Variants in L1CAM observed in about 807,000 individuals in gnomAD.
L1CAM encodes L1 cell adhesion molecule.
In L1CAM, 8 loss-of-function variants were observed where a neutral mutation model predicts 93.0. The observed-to-expected ratio is 0.09, with a 90% CI of 0.05 to 0.16. The LOEUF (loss-of-function observed/expected upper bound fraction) is 0.16. Among genes scored for constraint, L1CAM ranks in the 10% least tolerant of loss-of-function variants. The probability of loss-of-function intolerance (pLI) is 1.00; values close to 1 mark genes in which losing one functional copy is unlikely to be tolerated. For missense variants in L1CAM, 777 were observed against 1,073.4 expected (o/e 0.72, Z 3.86); for synonymous variants, 453 against 453.0 (o/e 1.00, Z 0.00).
At chrX:153,878,601 A>G (rs1352945654) in intron 1 of L1CAM, among the ~76,000 whole-genome samples, 1 of 112,301 alleles carries the variant, frequency 8.9e-6, no homozygotes, top group African/African-American at 3.2e-5. Context: ...CTCGGATCAG[A>G]GAGCAGATGA....
intron 2 of L1CAM, among the ~76,000 whole-genome samples, chrX:153,873,719 G>A (rs1260895345): frequency 8.9e-6 from 1 of 112,383 alleles, no homozygotes; most frequent in Non-Finnish European, 1.9e-5. Context: ...AATTACCAGG[G>A]CCCAGCCTTC....
chrX:153,863,725 C>G (rs2064684642), intron 26 of L1CAM, 158 bp downstream of exon 26: 1 of 907,241 alleles, frequency 1.1e-6, no homozygotes, highest in African/African-American at 2.0e-5. Context: ...TGCCCCAACC[C>G]CGGCCTGGGA....
In L1CAM at chrX:153,865,776, G is replaced by T. The variant is rs1273221058; in HGVS notation, c.2475C>A (p.Asn825Lys). The change falls in exon 20 of 29, where the codon AAC becomes AAA. Residue 825 changes from asparagine to lysine, a missense_variant. Transcript: ENST00000370060. ...IPELEGIEIL[N>K]SSAVLVKWRP... Reference sequence around the variant, plus strand: ...GCCACTTGACCAGCACGGCACTTGAGTTGAGGATTTCAATGCCTTCCAGCT... The same window carrying T: ...GCCACTTGACCAGCACGGCACTTGATTTGAGGATTTCAATGCCTTCCAGCT... 6 of 1,209,617 alleles carry T rather than the reference G, an allele frequency of 5.0e-6. No homozygotes were observed. Among genetic ancestry groups the T allele is most frequent in the Non-Finnish European group, 6.7e-6 (6 of 894,422 alleles).
chrX:153,870,970 G>A lies in L1CAM; in HGVS notation c.524-10C>T. On this transcript the variant is annotated splice_polypyrimidine_tract_variant and intron_variant, in intron 6 of 28. Coordinates refer to ENST00000370060, the MANE Select transcript of L1CAM (RefSeq NM_001278116.2). ...TTGATGTGCAAGATCTCTGCAGGGGGCAAGGAGGCCGAAGTCATGACCCCG... is the reference window on the plus strand; with the variant it reads ...TTGATGTGCAAGATCTCTGCAGGGGACAAGGAGGCCGAAGTCATGACCCCG... 3 of 1,211,138 alleles carry A rather than the reference G, an allele frequency of 2.5e-6. No individual in the cohort carries two copies. The highest frequency in any genetic ancestry group is 3.4e-6 in the Non-Finnish European group (3 of 895,289).
intron 5 of L1CAM, among the ~76,000 whole-genome samples, 161 bp downstream of exon 5, chrX:153,871,991 C>A (rs2064774795): frequency 9.1e-6 from 1 of 109,525 alleles, no homozygotes; most frequent in Admixed American, 9.8e-5. Context: ...GGAGACTGCA[C>A]AAGAAACAAG....
chrX:153,868,392 G>A lies in L1CAM; in HGVS notation c.1613C>T (p.Thr538Met), dbSNP rs782210626. ...GGAGGGGTCAAAGGAGGCCTGGCAC[G>A]TGAAGGTCACCCTGGAACCTTTCTT... ...IEKKGSRVTF[T>M]CQASFDPSLQ... The change falls in exon 14 of 29, where the codon ACG becomes ATG. Residue 538 changes from threonine (T) to methionine (M), a missense_variant. Thr to Met is a moderately conservative substitution (Grantham distance 81). Around this residue, in one of 5 missense-constraint regions of L1CAM, gnomAD observed 574 missense variants for 781.0 expected, o/e 0.73. Coordinates refer to ENST00000370060, the MANE Select transcript of L1CAM (RefSeq NM_001278116.2). 14 of 1,210,009 alleles carry A rather than the reference G, an allele frequency of 1.2e-5. No homozygotes were observed. Among genetic ancestry groups the A allele is most frequent in the African/African-American group, 1.1e-4 (6 of 57,139 alleles).
At position 153,865,077 on chromosome X, in the gene L1CAM, G is replaced by A. The variant is rs372416154; in HGVS notation, c.2872+11C>T. ...CTCCACCTCCCTTCCCTGCTGGGGC[G>A]GCGCACGCACGGGGGTGGTAGGAGA... On this transcript the variant is annotated intron_variant, in intron 22 of 28. Transcript: ENST00000370060. 4.1e-6 allele frequency: 5 copies of A among 1,211,312 alleles called. No individual in the cohort carries two copies. The highest frequency in any genetic ancestry group is 4.3e-5 in the Admixed American group (2 of 46,121).
intron 2 of L1CAM, among the ~76,000 whole-genome samples, chrX:153,874,724 G>C (rs1440938034): frequency 1.2e-4 from 14 of 112,441 alleles, no homozygotes; most frequent in African/African-American, 4.2e-4. Context: ...AGACAAAGGT[G>C]TCAAGGTGAG....
In L1CAM at chrX:153,867,651, G is replaced by A; in HGVS notation, c.1940-98C>T. 4 of 961,000 alleles carry A rather than the reference G, an allele frequency of 4.2e-6. No homozygotes were observed. In the Admixed American group the frequency reaches 8.9e-5, roughly 21 times the overall value. The allele number at this position is 961,000 out of a possible 1,213,427, so 79.2% of individuals were successfully genotyped here. On this transcript the variant is annotated intron_variant, in intron 16 of 28. Transcript: ENST00000370060. ...ACAGTCTGGGTCCCTGATTACCCAG[G>A]CCAACTGGCATCTCCAGATTCCCAT...
chrX:153,877,583 C>T (rs2064823134), intron 1 of L1CAM, among the ~76,000 whole-genome samples: 1 of 111,720 alleles, frequency 9.0e-6, no homozygotes, highest in Admixed American at 9.5e-5. Flanking sequence ...GCCAAGATCG[C>T]ACCATTGCAC....
At chrX:153,863,619 C>T in intron 26 of L1CAM, 70 bp from the exon 27 acceptor site, 3 of 986,438 alleles carry the variant, frequency 3.0e-6, no homozygotes, top group South Asian at 2.0e-5. Context: ...CCCCTCTACG[C>T]CCCGCACCCC....
chrX:153,881,796 G>A (rs1358834324), intron 1 of L1CAM, among the ~76,000 whole-genome samples: 1 of 111,231 alleles, frequency 9.0e-6, no homozygotes, highest in Non-Finnish European at 1.9e-5. Context: ...TGTCGAAGGA[G>A]ATACTGATGC....
At chrX:153,863,856 C>T in intron 26 of L1CAM, 27 bp downstream of exon 26, 1 of 1,211,750 alleles carries the variant, frequency 8.3e-7, no homozygotes, top group Non-Finnish European at 1.1e-6. Context: ...TCGGCTCCAC[C>T]CCCGTCACGT....
In L1CAM at chrX:153,864,036, C is replaced by A; in HGVS notation, c.3323-19G>T. 1 of 1,210,878 alleles carries A rather than the reference C, an allele frequency of 8.3e-7. No homozygotes were observed. Among genetic ancestry groups the A allele is most frequent in the Non-Finnish European group, 1.1e-6 (1 of 894,868 alleles). On this transcript the variant is annotated intron_variant, in intron 25 of 28. Coordinates refer to ENST00000370060, the MANE Select transcript of L1CAM (RefSeq NM_001278116.2). ...ACGCGGCCTGAGGGTGAGACACCAG[C>A]CCCCCGTGCTGCCGCCCAAGCCAGA... is the stretch of plus-strand genomic sequence containing the variant.
chrX:153,865,428 G>A lies in L1CAM; in HGVS notation c.2620C>T (p.Pro874Ser). The A allele has an allele frequency of 4.1e-6, 5 of 1,209,400 alleles. No individual in the cohort carries two copies. The East Asian group carries it at 1.5e-4, about 36-fold the overall frequency. Residue 874 changes from proline to serine, a missense_variant, in exon 21 of 29, where the codon CCC (proline) becomes TCC (serine). Coordinates refer to ENST00000370060, the MANE Select transcript of L1CAM (RefSeq NM_001278116.2). ...AGGATGACACTGGTGGTGTTGGCGGGCACCACCACATGGTCTTTGTGGATA... is the reference window on the plus strand; with the variant it reads ...AGGATGACACTGGTGGTGTTGGCGGACACCACCACATGGTCTTTGTGGATA... ...RHIHKDHVVV[P>S]ANTTSVILSG...
At chrX:153,866,499 T>C (rs1557090893) in intron 19 of L1CAM, 150 bp downstream of exon 19, 1 of 428,609 alleles carries the variant, frequency 2.3e-6, no homozygotes, top group Non-Finnish European at 4.0e-6. Flanking sequence ...AAATGTGAAG[T>C]GTGGGGAATT....
chrX:153,863,911 G>T lies in L1CAM; in HGVS notation c.3429C>A (p.Ile1143=), dbSNP rs1374780825. 5 of 1,211,168 alleles carry T rather than the reference G, an allele frequency of 4.1e-6. No individual in the cohort carries two copies. In the South Asian group the frequency reaches 7.0e-5, roughly 17 times the overall value. ...AGTATTTGCCGCCCTTGCTGCGCTT[G>T]ATGAAGCAGAGGATGAGCAGGACGA... is the stretch of plus-strand genomic sequence containing the variant. ...LLLVLLILCF[I]KRSKGGKYSV... is the part of the protein sequence containing the mutation. Residue 1143 remains isoleucine, a synonymous_variant, in exon 26 of 29, where the codon ATC becomes ATA. Coordinates refer to ENST00000370060, the MANE Select transcript of L1CAM (RefSeq NM_001278116.2).
chrX:153,884,916 C>T (rs782438152), intron 1 of L1CAM, among the ~76,000 whole-genome samples: 7 of 113,015 alleles, frequency 6.2e-5, no homozygotes, highest in South Asian at 3.6e-4. Context: ...TGGGCTGCCC[C>T]GATGCCCCTG....
chrX:153,869,057 C>A lies in L1CAM; in HGVS notation c.1268-105G>T, dbSNP rs186081486. 623 of 642,369 alleles carry A rather than the reference C, an allele frequency of 9.7e-4. 4 individuals are homozygous for A. In the African/African-American group the frequency reaches 0.013, roughly 13 times the overall value. The allele number at this position is 642,369 out of a possible 1,213,427, so 52.9% of individuals were successfully genotyped here. On this transcript the variant is annotated intron_variant, in intron 11 of 28. Transcript: ENST00000370060. ...CTTCCTCGGGCCCCCAAGAGCCCTG[C>A]AAATCTTGCTTCCCTGCTCCCAGCT...
Sources: gnomAD v4.1 joint callset for allele counts (sites outside exome capture counted in the v4.1 genomes callset) on GRCh38, gnomAD v4.1.1 for gene constraint, gnomAD v4.1.1 regional missense constraint, MANE v1.5 for transcripts, NCBI Gene and HGNC (gene_info 2026-07-23, HGNC 2026-07-21) for gene names.